The following TXNDC16 variants were observed in gnomAD, a reference collection of about 807,000 sequenced individuals.
TXNDC16 encodes thioredoxin domain containing 16.
Under a neutral mutation model 85.6 loss-of-function variants are expected in TXNDC16, and 74 were observed. The ratio of observed to expected loss-of-function variants is 0.86; its 90% CI spans 0.72 to 1.05. TXNDC16 has a LOEUF of 1.05. Ranked by LOEUF, TXNDC16 falls within the 50% of genes least tolerant of loss-of-function variation. TXNDC16 has a pLI of 0.00. For missense variants in TXNDC16, 959 were observed against 947.0 expected, an observed-to-expected ratio of 1.01 and a Z score of -0.17; for synonymous variants, 335 against 326.5, an observed-to-expected ratio of 1.03 and a Z score of -0.28.
intron 13 of TXNDC16, 123 bp from the exon 14 acceptor site, chr14:52,482,412 A>C: frequency 1.2e-6 from 1 of 814,838 alleles, no homozygotes; most frequent in Non-Finnish European, 1.9e-6. Context: ...GAAATATTCT[A>C]CTATACATTT....
At chr14:52,433,390 T>C (rs2034952390) in intron 20 of TXNDC16, among the ~76,000 whole-genome samples, 1 of 152,178 alleles carries the variant, frequency 6.6e-6, no homozygotes, top group African/African-American at 2.4e-5. Flanking sequence ...AGTTGGCCCA[T>C]TTAGGGTACT....
chr14:52,529,780 G>C (rs1324458554), intron 6 of TXNDC16, among the ~76,000 whole-genome samples: 2 of 110,700 alleles, frequency 1.8e-5, no homozygotes, highest in African/African-American at 7.5e-5. Context: ...TATATACCTA[G>C]TATATATTAT....
chr14:52,500,356 A>G (rs892732168), intron 9 of TXNDC16, among the ~76,000 whole-genome samples: 7 of 152,232 alleles, frequency 4.6e-5, no homozygotes, highest in Non-Finnish European at 1.0e-4. Flanking sequence ...AGCCAACTGC[A>G]AAAACAAATA....
chr14:52,524,137 C>A (rs1275517649), intron 6 of TXNDC16, among the ~76,000 whole-genome samples: 2 of 152,218 alleles, frequency 1.3e-5, no homozygotes, highest in African/African-American at 4.8e-5. Flanking sequence ...CAGGAGAGAA[C>A]AGCATGGGCA....
At chr14:52,472,532 T>C (rs943113230) in intron 14 of TXNDC16, among the ~76,000 whole-genome samples, 1 of 152,172 alleles carries the variant, frequency 6.6e-6, no homozygotes, top group African/African-American at 2.4e-5. Flanking sequence ...CCCACTGCCT[T>C]GCACAATGTC....
intron 16 of TXNDC16, among the ~76,000 whole-genome samples, chr14:52,466,859 T>TC (rs1457261730): frequency 6.6e-6 from 1 of 151,294 alleles, no homozygotes; most frequent in East Asian, 1.9e-4. Context: ...AGAGCAAGAC[T>TC]CCATCTCAAA....
intron 6 of TXNDC16, among the ~76,000 whole-genome samples, chr14:52,529,183 T>G (rs1410341067): frequency 6.6e-6 from 1 of 150,844 alleles, no homozygotes; most frequent in Non-Finnish European, 1.5e-5. Context: ...TGTAGGGACA[T>G]GGATGAAGCT....
intron 6 of TXNDC16, among the ~76,000 whole-genome samples, chr14:52,534,102 A>G (rs573509725): frequency 4.3e-4 from 65 of 152,304 alleles, no homozygotes; most frequent in African/African-American, 1.5e-3. Flanking sequence ...ATCAGGCCTG[A>G]AAGATCACAT....
intron 12 of TXNDC16, among the ~76,000 whole-genome samples, 169 bp from the exon 13 acceptor site, chr14:52,483,134 C>G (rs2036188399): frequency 6.6e-6 from 1 of 152,146 alleles, no homozygotes; most frequent in Non-Finnish European, 1.5e-5. Flanking sequence ...AGTTGCTTAA[C>G]TGACTCTGAG....
At chr14:52,491,278 C>G (rs368760543) in intron 9 of TXNDC16, among the ~76,000 whole-genome samples, 11 of 151,052 alleles carry the variant, frequency 7.3e-5, no homozygotes, top group African/African-American at 2.2e-4. Flanking sequence ...GCCTTCTGGG[C>G]TCAAACAATC....
intron 18 of TXNDC16, among the ~76,000 whole-genome samples, chr14:52,446,668 C>T (rs774890811): frequency 6.6e-6 from 1 of 152,136 alleles, no homozygotes; most frequent in African/African-American, 2.4e-5. Context: ...GAGACCCCTT[C>T]CTTCTGCTTA....
intron 16 of TXNDC16, among the ~76,000 whole-genome samples, chr14:52,460,005 G>C (rs1014114555): frequency 2.6e-5 from 4 of 152,060 alleles, no homozygotes; most frequent in African/African-American, 9.7e-5. Flanking sequence ...ACAAGACAAG[G>C]ACACCCTCTT....
intron 18 of TXNDC16, among the ~76,000 whole-genome samples, chr14:52,445,611 CATG>C (rs1594683497): frequency 6.6e-6 from 1 of 152,318 alleles, no homozygotes. Flanking sequence ...TCATGCATCG[CATG>C]ATGTTTCAGT....
In TXNDC16 at chr14:52,543,627, A is replaced by C; in HGVS notation, c.-70T>G. 6.5e-7 allele frequency: 1 copy of C among 1,528,166 alleles called. No homozygotes were observed. The highest frequency in any genetic ancestry group is 8.9e-7 in the Non-Finnish European group (1 of 1,126,550). 94.7% of individuals were successfully genotyped at this position (1,528,166 alleles called of 1,614,324 possible). A position where few individuals can be genotyped will look rare whatever the true frequency, so the allele number is the denominator to read the frequency against. On this transcript the variant is annotated 5_prime_UTR_variant, in exon 3 of 21. Coordinates refer to ENST00000281741, the MANE Select transcript of TXNDC16 (RefSeq NM_020784.3). Reference sequence around the variant, plus strand: ...CTGCTGTGTTCTGTTTCCTAAGACAACACCTGGCACAGAGAAGGTATTCAA... The same window carrying C: ...CTGCTGTGTTCTGTTTCCTAAGACACCACCTGGCACAGAGAAGGTATTCAA...
intron 9 of TXNDC16, among the ~76,000 whole-genome samples, chr14:52,496,306 T>A (rs1440568874): frequency 1.3e-5 from 2 of 152,136 alleles, no homozygotes; most frequent in Non-Finnish European, 2.9e-5. Flanking sequence ...ATAGCAAGTC[T>A]GAGGTCCATT....
chr14:52,493,135 T>C (rs965593956), intron 9 of TXNDC16, among the ~76,000 whole-genome samples: 3 of 149,944 alleles, frequency 2.0e-5, no homozygotes, highest in African/African-American at 7.4e-5. Context: ...GAAAAAATTA[T>C]ATAAAAATTT....
chr14:52,458,453 A>G (rs2035582703), intron 16 of TXNDC16, among the ~76,000 whole-genome samples: 1 of 152,160 alleles, frequency 6.6e-6, no homozygotes, highest in Admixed American at 6.5e-5. Flanking sequence ...GCTACTCAGG[A>G]GGCTGAGGCA....
Position 52,431,310 on chromosome 14 carries a change from C to T in TXNDC16, c.*994G>A, listed in dbSNP as rs2034888450. 1 of 152,142 alleles carries T rather than the reference C, an allele frequency of 6.6e-6. No individual in the cohort carries two copies. Among genetic ancestry groups the T allele is most frequent in the Non-Finnish European group, 1.5e-5 (1 of 68,032 alleles). The allele number at this position is 152,142 out of a possible 1,614,324, so 9.4% of individuals were successfully genotyped here. On this transcript the variant is annotated 3_prime_UTR_variant, in exon 21 of 21. Transcript: ENST00000281741. ...GATGGCAGAATGCTGAATCCCTGTTCAATCTGAAATTTAGCCATATAACTT... is the reference window on the plus strand; with the variant it reads ...GATGGCAGAATGCTGAATCCCTGTTTAATCTGAAATTTAGCCATATAACTT...
intron 3 of TXNDC16, among the ~76,000 whole-genome samples, chr14:52,543,028 C>T (rs774085193): frequency 5.9e-5 from 9 of 151,980 alleles, no homozygotes; most frequent in Non-Finnish European, 1.2e-4. Flanking sequence ...TTGTAAAAAA[C>T]TTAAAATAGT....
Sources: allele counts gnomAD v4.1 joint callset (sites outside exome capture counted in the v4.1 genomes callset), GRCh38; gene constraint gnomAD v4.1.1; transcripts MANE v1.5; gene names NCBI Gene and HGNC (gene_info 2026-07-23, HGNC 2026-07-21).